MFHAS1: variants seen among roughly 807,000 people sequenced by gnomAD.
The protein encoded by MFHAS1 is multifunctional ROCO family signaling regulator 1.
In MFHAS1, 50 loss-of-function variants were observed where a neutral mutation model predicts 70.4. That is an observed-to-expected ratio of 0.71 (90% CI 0.57 to 0.90). The LOEUF is 0.90. MFHAS1 is among the 40% of genes least tolerant of loss of function. MFHAS1 has a pLI of 0.00. For synonymous variants in MFHAS1, 952 were observed against 620.0 expected, an observed-to-expected ratio of 1.54 and a Z score of -7.96; for missense variants, 1,795 against 1,347.6, an observed-to-expected ratio of 1.33 and a Z score of -5.20.
At chr8:8,866,854 C>T (rs1255159042) in intron 1 of MFHAS1, among the ~76,000 whole-genome samples, 4 of 152,152 alleles carry the variant, frequency 2.6e-5, no homozygotes, top group Non-Finnish European at 2.9e-5. Flanking sequence ...AAAATAAAAT[C>T]GTGATATGAA....
In MFHAS1 at chr8:8,785,794, C is replaced by T. The variant is rs2117236872; in HGVS notation, c.*228G>A. On this transcript the variant is annotated 3_prime_UTR_variant, in exon 3 of 3. Coordinates refer to ENST00000276282, the MANE Select transcript of MFHAS1 (RefSeq NM_004225.3). ...GCGCGCTCCTTGGAGGATCACAGTTCTGAGGTTCAGGTTGTAAAACATTTG... is the reference window on the plus strand; with the variant it reads ...GCGCGCTCCTTGGAGGATCACAGTTTTGAGGTTCAGGTTGTAAAACATTTG... The T allele has an allele frequency of 4.7e-5, 20 of 425,074 alleles. No individual in the cohort carries two copies. Among genetic ancestry groups the T allele is most frequent in the Middle Eastern group, 6.5e-4 (1 of 1,548 alleles). 26.3% of individuals were successfully genotyped at this position (425,074 alleles called of 1,614,324 possible).
intron 1 of MFHAS1, among the ~76,000 whole-genome samples, chr8:8,823,650 T>A (rs935632043): frequency 2.0e-5 from 3 of 150,994 alleles, no homozygotes; most frequent in Admixed American, 6.6e-5. Context: ...CACAAACATG[T>A]CCTTGGTTCT....
chr8:8,790,215 T>A (rs772558543), intron 2 of MFHAS1: 3 of 190,038 alleles, frequency 1.6e-5, no homozygotes, highest in Non-Finnish European at 2.9e-5. Flanking sequence ...AGGATTCCTG[T>A]TCTCCAAAAT....
chr8:8,871,261 T>C (rs1416096769), intron 1 of MFHAS1, among the ~76,000 whole-genome samples: 2 of 152,164 alleles, frequency 1.3e-5, no homozygotes, highest in African/African-American at 4.8e-5. Context: ...TGGTAAAAAC[T>C]ACTTGCAGCT....
chr8:8,788,356 G>A (rs1215358196), intron 2 of MFHAS1, among the ~76,000 whole-genome samples: 2 of 152,176 alleles, frequency 1.3e-5, no homozygotes, highest in East Asian at 1.9e-4. Context: ...AAGATACTAT[G>A]AGATCATTAC....
At chr8:8,850,123 T>G (rs1375541457) in intron 1 of MFHAS1, among the ~76,000 whole-genome samples, 1 of 152,236 alleles carries the variant, frequency 6.6e-6, no homozygotes, top group African/African-American at 2.4e-5. Flanking sequence ...AAAATCAGTG[T>G]GTATACCTTT....
intron 1 of MFHAS1, among the ~76,000 whole-genome samples, chr8:8,877,456 G>T (rs1287384396): frequency 6.6e-6 from 1 of 152,142 alleles, no homozygotes; most frequent in African/African-American, 2.4e-5. Flanking sequence ...TGTCAGATCC[G>T]AATTTGCCTT....
At chr8:8,805,615 G>C (rs572371124) in intron 1 of MFHAS1, among the ~76,000 whole-genome samples, 2 of 152,148 alleles carry the variant, frequency 1.3e-5, no homozygotes, top group Non-Finnish European at 2.9e-5. Context: ...TAAGTGGACC[G>C]GCACAGTTCA....
At chr8:8,817,662 C>T (rs1411917683) in intron 1 of MFHAS1, among the ~76,000 whole-genome samples, 2 of 152,232 alleles carry the variant, frequency 1.3e-5, no homozygotes, top group Non-Finnish European at 2.9e-5. Flanking sequence ...CTGTTTGGCA[C>T]TAGAAACCAG....
At chr8:8,815,767 AC>A (rs1397896915) in intron 1 of MFHAS1, among the ~76,000 whole-genome samples, 1 of 152,174 alleles carries the variant, frequency 6.6e-6, no homozygotes, top group Non-Finnish European at 1.5e-5. Context: ...GTTGAAACAT[AC>A]ACCTACCATG....
rs1035827835 is a variant in MFHAS1 at position 8,832,737 on chromosome 8, T to A, written c.2999-35246A>T. On this transcript the variant is annotated intron_variant, in intron 1 of 2. Coordinates refer to ENST00000276282, the MANE Select transcript of MFHAS1 (RefSeq NM_004225.3). Reference sequence around the variant, plus strand: ...TTGAACTCCTAGGCTCAAGCGTTCCTCCCACTTCAGCCTCCTGACTCGCCG... The same window carrying A: ...TTGAACTCCTAGGCTCAAGCGTTCCACCCACTTCAGCCTCCTGACTCGCCG... Among the ~76,000 whole-genome samples the A allele has an allele frequency of 6.0e-5, 9 of 149,392 alleles. No individual in the cohort carries two copies. The Admixed American group carries it at 6.1e-4, about 10-fold the overall frequency.
In MFHAS1 at chr8:8,784,483, G is replaced by A. The variant is rs1015155759; in HGVS notation, c.*1539C>T. ...ATAAGAAATCATTCTCTGAACTGCA[G>A]GTTCTGGAGTCAGTGAAATTAATGC... On this transcript the variant is annotated 3_prime_UTR_variant, in exon 3 of 3. Transcript: ENST00000276282. 1 of 152,226 alleles carries A rather than the reference G, an allele frequency of 6.6e-6. No individual in the cohort carries two copies. Among genetic ancestry groups the A allele is most frequent in the African/African-American group, 2.4e-5 (1 of 41,466 alleles). 9.4% of individuals were successfully genotyped at this position (152,226 alleles called of 1,614,324 possible). A position where few individuals can be genotyped will look rare whatever the true frequency, so the allele number is the denominator to read the frequency against.
At chr8:8,850,259 C>A (rs1338170496) in intron 1 of MFHAS1, among the ~76,000 whole-genome samples, 3 of 152,176 alleles carry the variant, frequency 2.0e-5, no homozygotes, top group African/African-American at 4.8e-5. Context: ...AGTTAAAGTT[C>A]TCTTTCATTC....
chr8:8,794,427 TC>T (rs1316847562), intron 2 of MFHAS1, among the ~76,000 whole-genome samples: 4 of 152,144 alleles, frequency 2.6e-5, no homozygotes, highest in African/African-American at 4.8e-5. Context: ...AATGGGACCT[TC>T]CCCGGAGCCT....
chr8:8,843,697 G>A (rs2116858419), intron 1 of MFHAS1, among the ~76,000 whole-genome samples: 1 of 152,284 alleles, frequency 6.6e-6, no homozygotes, highest in East Asian at 1.9e-4. Flanking sequence ...GGAAGAAGCA[G>A]GTCAGAAGAG....
intron 1 of MFHAS1, among the ~76,000 whole-genome samples, chr8:8,872,101 T>C (rs1809096654): frequency 6.6e-6 from 1 of 152,214 alleles, no homozygotes; most frequent in Non-Finnish European, 1.5e-5. Context: ...TATAAAACGA[T>C]CTGTGTAACA....
intron 1 of MFHAS1, among the ~76,000 whole-genome samples, chr8:8,815,459 T>C (rs772185188): frequency 3.3e-5 from 5 of 152,212 alleles, no homozygotes; most frequent in Admixed American, 6.5e-5. Context: ...TCCACAATGG[T>C]TGAACTAATT....
chr8:8,831,652 C>CA (rs1169191174), intron 1 of MFHAS1, among the ~76,000 whole-genome samples: 7 of 149,668 alleles, frequency 4.7e-5, no homozygotes, highest in African/African-American at 1.7e-4. Flanking sequence ...CTCACTCGGT[C>CA]GCCCAGGCTG....
intron 1 of MFHAS1, among the ~76,000 whole-genome samples, chr8:8,878,036 C>A (rs1809361785): frequency 6.6e-6 from 1 of 152,168 alleles, no homozygotes; most frequent in Non-Finnish European, 1.5e-5. Context: ...AACTAGAAAT[C>A]ATCCTCTGAC....
Sources: allele counts gnomAD v4.1 joint callset (sites outside exome capture counted in the v4.1 genomes callset), GRCh38; gene constraint gnomAD v4.1.1; transcripts MANE v1.5; gene names NCBI Gene and HGNC (gene_info 2026-07-23, HGNC 2026-07-21).